Variants in PARD3B observed in about 807,000 individuals in gnomAD.
PARD3B encodes par-3 family cell polarity regulator beta.
In PARD3B, 103 loss-of-function variants were observed where a neutral mutation model predicts 130.2. The ratio of observed to expected loss-of-function variants is 0.79; its 90% CI spans 0.67 to 0.93. The LOEUF (loss-of-function observed/expected upper bound fraction) is 0.93, where lower values mean the gene tolerates loss of function less well. PARD3B is among the 40% of genes least tolerant of loss of function. PARD3B has a pLI of 0.00. For missense variants in PARD3B, 1,609 were observed against 1,499.2 expected, an observed-to-expected ratio of 1.07 and a Z score of -1.21; for synonymous variants, 583 against 553.2, an observed-to-expected ratio of 1.05 and a Z score of -0.76.
At chr2:205,346,129 G>T (rs542397706) in intron 18 of PARD3B, among the ~76,000 whole-genome samples, 1 of 147,600 alleles carries the variant, frequency 6.8e-6, no homozygotes, top group Non-Finnish European at 1.5e-5. Flanking sequence ...CCGAGATCCC[G>T]CCACTGCACT....
intron 3 of PARD3B, among the ~76,000 whole-genome samples, chr2:205,022,561 T>G (rs1559363129): frequency 6.6e-6 from 1 of 152,178 alleles, no homozygotes; most frequent in Non-Finnish European, 1.5e-5. Flanking sequence ...TTTTTCAGAT[T>G]TTAGTTAGAT....
intron 15 of PARD3B, among the ~76,000 whole-genome samples, chr2:205,222,691 T>C (rs2038306571): frequency 6.6e-6 from 1 of 152,202 alleles, no homozygotes; most frequent in Non-Finnish European, 1.5e-5. Flanking sequence ...GTTTAATGAA[T>C]ATCAATTTCT....
At chr2:204,655,423 T>G (rs966470273) in intron 1 of PARD3B, among the ~76,000 whole-genome samples, 2 of 152,150 alleles carry the variant, frequency 1.3e-5, no homozygotes, top group African/African-American at 4.8e-5. Flanking sequence ...TGCCCCCATT[T>G]GTTGCCTGCA....
intron 3 of PARD3B, among the ~76,000 whole-genome samples, chr2:205,044,996 G>A (rs1698668309): frequency 6.6e-6 from 1 of 151,980 alleles, no homozygotes; most frequent in Admixed American, 6.6e-5. Flanking sequence ...AACACATTTA[G>A]AGAGAAAGAA....
At chr2:204,771,030 C>T (rs1045119133) in intron 2 of PARD3B, among the ~76,000 whole-genome samples, 4 of 152,038 alleles carry the variant, frequency 2.6e-5, no homozygotes, top group African/African-American at 7.2e-5. Context: ...TATTGTTTAG[C>T]AAATCGCTGG....
Position 205,197,049 on chromosome 2 carries a change from G to GTA in PARD3B, c.2140+3730_2140+3731insAT, listed in dbSNP as rs1559532690. 4.3e-3 allele frequency among the ~76,000 whole-genome samples: 582 copies of GTA among 135,556 alleles called. 3 individuals carry two copies. The highest frequency in any genetic ancestry group is 0.015 in the African/African-American group (515 of 34,556). The allele number at this position is 135,556 out of a possible 152,430, so 88.9% of individuals were successfully genotyped here. Reference sequence around the variant, plus strand: ...GGGGGGGGGGTGTGTGTGTGTGTGTGTGTGTGTGTGTGTGTGTGTGTGTGT... The same window carrying GTA: ...GGGGGGGGGGTGTGTGTGTGTGTGTGTATGTGTGTGTGTGTGTGTGTGTGTGT... On this transcript the variant is annotated intron_variant, in intron 15 of 22. Transcript: ENST00000406610.
chr2:205,453,827 T>C (rs1408500226), intron 20 of PARD3B, among the ~76,000 whole-genome samples: 1 of 152,226 alleles, frequency 6.6e-6, no homozygotes, highest in African/African-American at 2.4e-5. Context: ...TGTACATGTA[T>C]GTAAAATGTG....
rs2035943405 is a variant in PARD3B at position 204,664,486 on chromosome 2, T to C, written c.121-21695T>C. ...CTGAAAGTTAGTTACGTTTTGATCA[T>C]TGGTCTGCTATATTGAATGCTGATT... On this transcript the variant is annotated intron_variant, in intron 1 of 22. Coordinates refer to ENST00000406610, the MANE Select transcript of PARD3B (RefSeq NM_001302769.2). The surrounding 1 kb of genome is among the most constrained non-coding windows in gnomAD (Gnocchi z 5.2). 6.6e-6 allele frequency among the ~76,000 whole-genome samples: 1 copy of C among 152,172 alleles called. No homozygotes were observed. Among genetic ancestry groups the C allele is most frequent in the Admixed American group, 6.5e-5 (1 of 15,280 alleles).
chr2:205,093,068 A>G (rs1702202932), intron 4 of PARD3B, among the ~76,000 whole-genome samples: 1 of 152,152 alleles, frequency 6.6e-6, no homozygotes, highest in Non-Finnish European at 1.5e-5. Flanking sequence ...GCCTCTGGCA[A>G]TGGTTCCAGC....
chr2:205,353,295 G>A (rs1191916157), intron 18 of PARD3B, among the ~76,000 whole-genome samples: 2 of 152,142 alleles, frequency 1.3e-5, no homozygotes, highest in East Asian at 1.9e-4. Flanking sequence ...ACCTGCACTG[G>A]GCAGGCTACC....
intron 1 of PARD3B, among the ~76,000 whole-genome samples, chr2:204,633,818 A>C (rs1004559824): frequency 2.6e-5 from 4 of 152,182 alleles, no homozygotes; most frequent in Non-Finnish European, 5.9e-5. Flanking sequence ...TCTCAAAAAA[A>C]CATATATTTT....
At position 205,146,043 on chromosome 2, in the gene PARD3B, T is replaced by A. The variant is rs2033332869; in HGVS notation, c.1435-12679T>A. Among the ~76,000 whole-genome samples, 1 of 152,178 alleles carries A rather than the reference T, an allele frequency of 6.6e-6. No homozygotes were observed. Among genetic ancestry groups the A allele is most frequent in the Non-Finnish European group, 1.5e-5 (1 of 68,036 alleles). On this transcript the variant is annotated intron_variant, in intron 10 of 22. Transcript: ENST00000406610. The surrounding 1 kb of genome is among the most constrained non-coding windows in gnomAD (Gnocchi z 4.3). ...TGGGGAAGCGCCAGCAGCCTGTGGA[T>A]TGACTGTCCATAGCGAAGGGCACCT...
intron 22 of PARD3B, among the ~76,000 whole-genome samples, chr2:205,597,939 C>T (rs569911082): frequency 6.6e-6 from 1 of 151,924 alleles, no homozygotes; most frequent in Non-Finnish European, 1.5e-5. Flanking sequence ...GCAAAGGGAC[C>T]ACTAGACCTG....
chr2:204,951,200 C>T (rs1161831373), intron 2 of PARD3B, among the ~76,000 whole-genome samples: 1 of 152,190 alleles, frequency 6.6e-6, no homozygotes, highest in Non-Finnish European at 1.5e-5. Context: ...TCTTGAAGTC[C>T]TTAACATTTT....
chr2:205,518,338 TTTATC>T (rs770251880), intron 21 of PARD3B, among the ~76,000 whole-genome samples: 1 of 152,296 alleles, frequency 6.6e-6, no homozygotes, highest in South Asian at 2.1e-4. Flanking sequence ...AATGCCCGTC[TTTATC>T]TTATCTTTTT....
intron 4 of PARD3B, among the ~76,000 whole-genome samples, chr2:205,057,637 ATATATGTGTATGTG>A (rs1337613148): frequency 1.3e-4 from 19 of 143,378 alleles, no homozygotes; most frequent in Admixed American, 2.9e-4. Context: ...ATATATATAC[ATATATGTGTATGTG>A]TATACGTACA....
intron 1 of PARD3B, among the ~76,000 whole-genome samples, chr2:204,605,941 G>A (rs1325113708): frequency 1.3e-5 from 2 of 152,200 alleles, no homozygotes; most frequent in East Asian, 3.9e-4. Context: ...TCACCCAGTT[G>A]TCTTCTGTGC....
At chr2:204,745,461 T>G (rs2040178490) in intron 2 of PARD3B, among the ~76,000 whole-genome samples, 1 of 151,726 alleles carries the variant, frequency 6.6e-6, no homozygotes, top group African/African-American at 2.4e-5. Flanking sequence ...GGAGTGCAAC[T>G]GTGCGATCTC....
At chr2:205,457,184 C>T (rs2048306415) in intron 20 of PARD3B, among the ~76,000 whole-genome samples, 1 of 151,728 alleles carries the variant, frequency 6.6e-6, no homozygotes, top group South Asian at 2.1e-4. Flanking sequence ...TAACGCTATT[C>T]AAATTATATC....
Sources: gnomAD v4.1 joint callset for allele counts (sites outside exome capture counted in the v4.1 genomes callset) on GRCh38, gnomAD v4.1.1 for gene constraint, Gnocchi (gnomAD v3.1) non-coding constraint, MANE v1.5 for transcripts, NCBI Gene and HGNC (gene_info 2026-07-23, HGNC 2026-07-21) for gene names.